GRIN2D: variants seen among roughly 807,000 people sequenced by gnomAD.
The protein encoded by GRIN2D is glutamate ionotropic receptor NMDA type subunit 2D, also known as glutamate receptor ionotropic, NMDA 2D.
GRIN2D carries 37 observed loss-of-function variants against 103.2 expected under a neutral mutation model. The ratio of observed to expected loss-of-function variants is 0.36; its 90% CI spans 0.28 to 0.47. GRIN2D has a LOEUF of 0.47. Among genes scored for constraint, GRIN2D ranks in the 20% least tolerant of loss-of-function variants. GRIN2D has a pLI of 1.00. For synonymous variants in GRIN2D, 845 were observed against 885.6 expected, an observed-to-expected ratio of 0.95 and a Z score of 0.81; for missense variants, 1,557 against 1,910.6, an observed-to-expected ratio of 0.81 and a Z score of 3.45.
intron 4 of GRIN2D, among the ~76,000 whole-genome samples, chr19:48,410,544 A>T (rs1970845771): frequency 1.3e-5 from 2 of 149,938 alleles, no homozygotes; most frequent in Non-Finnish European, 3.0e-5. Flanking sequence ...AAAAAAAAAA[A>T]AAAAAAAGCA....
Position 48,397,378 on chromosome 19 carries a change from C to T in GRIN2D, c.-26-989C>T, listed in dbSNP as rs141507274. Among the ~76,000 whole-genome samples, 48 of 152,158 alleles carry T rather than the reference C, an allele frequency of 3.2e-4. 1 individual carries two copies. In the East Asian group the frequency reaches 9.3e-3, roughly 29 times the overall value. ...ATTTCTGCTCCCTCCTGCCACTCGC[C>T]TTCCCCGCCTTACTTTCATGTCTGT... On this transcript the variant is annotated intron_variant, in intron 2 of 13. Transcript: ENST00000263269.
intron 4 of GRIN2D, among the ~76,000 whole-genome samples, chr19:48,413,751 A>T (rs1237879731): frequency 6.6e-6 from 1 of 151,700 alleles, no homozygotes; most frequent in Non-Finnish European, 1.5e-5. Context: ...AGGGGACTCT[A>T]GGGCCTCAAC....
chr19:48,418,683 C>T (rs944863922), intron 8 of GRIN2D, among the ~76,000 whole-genome samples: 1 of 151,912 alleles, frequency 6.6e-6, no homozygotes, highest in Non-Finnish European at 1.5e-5. Flanking sequence ...GAAGGGAGGA[C>T]GGCAAATGAG....
chr19:48,435,414 C>G (rs1196703208), intron 11 of GRIN2D, among the ~76,000 whole-genome samples: 1 of 151,986 alleles, frequency 6.6e-6, no homozygotes. Context: ...CTCAGCCTCC[C>G]AAGTAGCTGA....
intron 4 of GRIN2D, among the ~76,000 whole-genome samples, chr19:48,412,498 G>GCGGGC (rs1306404965): frequency 2.0e-5 from 3 of 149,738 alleles, no homozygotes; most frequent in Non-Finnish European, 4.5e-5. Context: ...AAAGAAAGAG[G>GCGGGC]CGGGCCAGGC....
At chr19:48,396,933 G>A (rs987168318) in intron 2 of GRIN2D, among the ~76,000 whole-genome samples, 2 of 152,270 alleles carry the variant, frequency 1.3e-5, no homozygotes, top group Admixed American at 1.3e-4. Flanking sequence ...CAGGAGTCCA[G>A]ACTCCCAGTG....
chr19:48,436,711 A>G (rs938906952), intron 11 of GRIN2D, among the ~76,000 whole-genome samples: 6 of 152,226 alleles, frequency 3.9e-5, no homozygotes, highest in African/African-American at 1.4e-4. Context: ...AGGCAAAGGC[A>G]CTTTCAAGGT....
intron 11 of GRIN2D, among the ~76,000 whole-genome samples, chr19:48,438,327 C>T (rs186610036): frequency 6.0e-4 from 57 of 95,422 alleles, no homozygotes; most frequent in Middle Eastern, 0.02. Context: ...GAGACGGAGT[C>T]TTGCTCTGTC....
chr19:48,430,056 CT>C (rs2147465043), intron 11 of GRIN2D, among the ~76,000 whole-genome samples: 1 of 152,288 alleles, frequency 6.6e-6, no homozygotes, highest in Non-Finnish European at 1.5e-5. Context: ...TACTCATACT[CT>C]TATTTAAATC....
chr19:48,424,051 T>C (rs1342816567), intron 11 of GRIN2D, among the ~76,000 whole-genome samples: 1 of 152,006 alleles, frequency 6.6e-6, no homozygotes, highest in Non-Finnish European at 1.5e-5. Context: ...ACTCCTGACA[T>C]GAGGTGATCT....
At chr19:48,428,976 A>G (rs1484860768) in intron 11 of GRIN2D, among the ~76,000 whole-genome samples, 2 of 152,074 alleles carry the variant, frequency 1.3e-5, no homozygotes, top group African/African-American at 4.8e-5. Context: ...CCACTAGGCT[A>G]TATTGCCTCA....
At chr19:48,409,274 C>CTTTTTTTTTTTTTTTTTTTTT (rs67673123) in intron 4 of GRIN2D, among the ~76,000 whole-genome samples, 1 of 103,724 alleles carries the variant, frequency 9.6e-6, no homozygotes. Context: ...AATTAAATTT[C>CTTTTTTTTTTTTTTTTTTTTT]TTTTTTTTTT....
At chr19:48,401,398 G>A (rs1267740770) in intron 3 of GRIN2D, among the ~76,000 whole-genome samples, 1 of 152,180 alleles carries the variant, frequency 6.6e-6, no homozygotes, top group Non-Finnish European at 1.5e-5. Flanking sequence ...GACTGAGGAT[G>A]GAGTTTCAAT....
Position 48,404,865 on chromosome 19 carries a change from C to T in GRIN2D, c.597C>T (p.Ala199=), listed in dbSNP as rs775844136. Residue 199 remains alanine, a synonymous_variant, in exon 4 of 14, where the codon GCC becomes GCT. Transcript: ENST00000263269. ...CCACTCGTGCCCCTGGCCACCGGGC[C>T]TTCCTGTCCTACATTGAGGTGCTGA... The part of the protein sequence containing the change: ...AVTTRAPGHR[A]FLSYIEVLTD... 6 of 1,614,098 alleles carry T rather than the reference C, an allele frequency of 3.7e-6. No individual in the cohort carries two copies. In the African/African-American group the frequency reaches 6.7e-5, roughly 18 times the overall value.
Position 48,414,286 on chromosome 19 carries a change from C to T in GRIN2D, c.1201-87C>T. On this transcript the variant is annotated intron_variant, in intron 5 of 13. Transcript: ENST00000263269. This position sits in a 1 kb window ranked among gnomAD's most constrained non-coding sequence, Gnocchi z 4.6. ...CTTGGAAGAAGCTGCTGCCCACACA[C>T]CTAGGTCTGAGGGAAGAGGATCATG... 8.5e-7 allele frequency: 1 copy of T among 1,181,360 alleles called. No homozygotes were observed. The highest frequency in any genetic ancestry group is 1.2e-6 in the Non-Finnish European group (1 of 823,588). The allele number at this position is 1,181,360 out of a possible 1,614,324, so 73.2% of individuals were successfully genotyped here. A position where few individuals can be genotyped will look rare whatever the true frequency, so the allele number is the denominator to read the frequency against.
chr19:48,424,809 A>G (rs1021311381), intron 11 of GRIN2D, among the ~76,000 whole-genome samples: 2 of 152,058 alleles, frequency 1.3e-5, no homozygotes, highest in African/African-American at 4.8e-5. Flanking sequence ...ACATCACCCA[A>G]ATGCAAAAAG....
Position 48,437,182 on chromosome 19 carries a change from A to C in GRIN2D, c.2253-4587A>C, listed in dbSNP as rs548043035. On this transcript the variant is annotated intron_variant, in intron 11 of 13. Coordinates refer to ENST00000263269, the MANE Select transcript of GRIN2D (RefSeq NM_000836.4). ...TGTAACCCAGGCTGGAGTACATGGC[A>C]CAATCATAGCTCACTGCAACCTCAT... Among the ~76,000 whole-genome samples, 5 of 152,228 alleles carry C rather than the reference A, an allele frequency of 3.3e-5. No homozygotes were observed. In the South Asian group the frequency reaches 1.0e-3, roughly 32 times the overall value.
At chr19:48,400,271 G>T (rs1970695456) in intron 3 of GRIN2D, among the ~76,000 whole-genome samples, 2 of 152,234 alleles carry the variant, frequency 1.3e-5, no homozygotes, top group African/African-American at 4.8e-5. Flanking sequence ...CCTCTCCAGA[G>T]GTGGGGCCAG....
At chr19:48,426,224 C>CTTTCTTTCTTTTTTTTTTTTTTTTTTTT (rs1555893889) in intron 11 of GRIN2D, among the ~76,000 whole-genome samples, 19 of 120,080 alleles carry the variant, frequency 1.6e-4, no homozygotes, top group African/African-American at 6.8e-4. Context: ...TTCTTTCTTT[C>CTTTCTTTCTTTTTTTTTTTTTTTTTTTT]TTTTTTTTTT....
Sources: gnomAD v4.1 joint callset for allele counts (sites outside exome capture counted in the v4.1 genomes callset) on GRCh38, gnomAD v4.1.1 for gene constraint, Gnocchi (gnomAD v3.1) non-coding constraint, MANE v1.5 for transcripts, NCBI Gene and HGNC (gene_info 2026-07-23, HGNC 2026-07-21) for gene names.